Variants in ANKS1B observed in about 807,000 individuals in gnomAD.
The protein encoded by ANKS1B is ankyrin repeat and sterile alpha motif domain-containing protein 1B.
ANKS1B carries 36 observed loss-of-function variants against 148.3 expected under a neutral mutation model. The ratio of observed to expected loss-of-function variants is 0.24; its 90% CI spans 0.19 to 0.32. The LOEUF is 0.32. ANKS1B is among the 10% of genes least tolerant of loss of function. The pLI is 1.00. For synonymous variants in ANKS1B, 542 were observed against 560.8 expected, an observed-to-expected ratio of 0.97 and a Z score of 0.47; for missense variants, 1,157 against 1,542.6, an observed-to-expected ratio of 0.75 and a Z score of 4.19.
intron 17 of ANKS1B, among the ~76,000 whole-genome samples, chr12:98,981,149 T>TA (rs752582377): frequency 6.6e-6 from 1 of 151,274 alleles, no homozygotes; most frequent in Middle Eastern, 3.2e-3. Context: ...CTACTAAAAA[T>TA]AAAAAAAATT....
At chr12:99,952,770 T>C (rs1464474128) in intron 1 of ANKS1B, among the ~76,000 whole-genome samples, 1 of 152,220 alleles carries the variant, frequency 6.6e-6, no homozygotes, top group East Asian at 1.9e-4. Flanking sequence ...TTCAGAAAAT[T>C]AAAGGTAACT....
At chr12:99,337,671 G>A (rs2089184595) in intron 12 of ANKS1B, among the ~76,000 whole-genome samples, 1 of 152,176 alleles carries the variant, frequency 6.6e-6, no homozygotes, top group East Asian at 1.9e-4. Flanking sequence ...TGGAAATTGA[G>A]TAATGTAATT....
intron 1 of ANKS1B, among the ~76,000 whole-genome samples, chr12:99,875,882 T>C (rs11110080): frequency 0.21 from 31,858 of 152,150 alleles, 3,490 homozygotes; most frequent in African/African-American, 0.26. Context: ...GACTTTTTTA[T>C]GTGAAAACAG....
intron 12 of ANKS1B, among the ~76,000 whole-genome samples, chr12:99,336,035 C>T (rs2088791215): frequency 6.6e-6 from 1 of 152,032 alleles, no homozygotes; most frequent in South Asian, 2.1e-4. Context: ...ACTATTATTG[C>T]CTGTCTTTTG....
chr12:99,592,830 A>T (rs919715416), intron 9 of ANKS1B, among the ~76,000 whole-genome samples: 1 of 152,110 alleles, frequency 6.6e-6, no homozygotes, highest in Non-Finnish European at 1.5e-5. Flanking sequence ...GAGACAAAAA[A>T]CACATCAGTC....
chr12:99,596,959 T>C (rs1240770536), intron 9 of ANKS1B, among the ~76,000 whole-genome samples: 2 of 151,954 alleles, frequency 1.3e-5, no homozygotes, highest in African/African-American at 2.4e-5. Context: ...AGGAGTGGAA[T>C]TGCTGAGTCA....
At chr12:98,762,255 G>A (rs1220793830) in intron 25 of ANKS1B, among the ~76,000 whole-genome samples, 3 of 152,212 alleles carry the variant, frequency 2.0e-5, no homozygotes, top group African/African-American at 7.2e-5. Context: ...TATTGCCACT[G>A]AGAAGTGGGT....
chr12:98,956,804 C>G (rs117162794), intron 17 of ANKS1B, among the ~76,000 whole-genome samples: 1 of 152,206 alleles, frequency 6.6e-6, no homozygotes, highest in East Asian at 1.9e-4. Context: ...GGTTCCTGCC[C>G]TCATGAAAGT....
chr12:99,128,704 A>C (rs998283678), intron 15 of ANKS1B, among the ~76,000 whole-genome samples: 5 of 152,200 alleles, frequency 3.3e-5, no homozygotes, highest in Admixed American at 2.6e-4. Flanking sequence ...GTATAGCATT[A>C]TGAGAAATTT....
intron 2 of ANKS1B, among the ~76,000 whole-genome samples, chr12:99,812,597 T>C (rs1000022369): frequency 6.9e-6 from 1 of 145,226 alleles, no homozygotes; most frequent in African/African-American, 2.6e-5. Context: ...AGAGCACACA[T>C]TGACTAACCA....
intron 12 of ANKS1B, among the ~76,000 whole-genome samples, chr12:99,271,830 G>C (rs2077085435): frequency 6.6e-6 from 1 of 151,674 alleles, no homozygotes; most frequent in Non-Finnish European, 1.5e-5. Context: ...AGGAAGGATT[G>C]GGTAATAGCT....
At chr12:99,513,380 C>G (rs552319272) in intron 9 of ANKS1B, among the ~76,000 whole-genome samples, 12 of 151,976 alleles carry the variant, frequency 7.9e-5, no homozygotes, top group Admixed American at 2.0e-4. Flanking sequence ...AAACTCACAA[C>G]ATTTGTGAAG....
At chr12:99,895,433 G>GTA (rs2093347532) in intron 1 of ANKS1B, among the ~76,000 whole-genome samples, 2 of 150,720 alleles carry the variant, frequency 1.3e-5, no homozygotes, top group Admixed American at 6.6e-5. Context: ...ACCCGTGTGT[G>GTA]TGTGTGTGTC....
At chr12:99,192,976 C>T (rs1412134831) in intron 14 of ANKS1B, among the ~76,000 whole-genome samples, 7 of 152,118 alleles carry the variant, frequency 4.6e-5, no homozygotes, top group Non-Finnish European at 1.0e-4. Context: ...ACCAAAGTTA[C>T]TGAAGAAGAG....
chr12:99,032,667 C>G (rs2099952989), intron 17 of ANKS1B, among the ~76,000 whole-genome samples: 1 of 152,214 alleles, frequency 6.6e-6, no homozygotes, highest in East Asian at 1.9e-4. Flanking sequence ...GTGGACATAT[C>G]TTTTGGAATG....
At chr12:99,856,380 G>A (rs2089077938) in intron 1 of ANKS1B, among the ~76,000 whole-genome samples, 1 of 151,880 alleles carries the variant, frequency 6.6e-6, no homozygotes, top group Non-Finnish European at 1.5e-5. Flanking sequence ...AAACTCTGAA[G>A]AGACCAATAA....
chr12:98,749,387 G>C (rs1270892053), intron 26 of ANKS1B, among the ~76,000 whole-genome samples: 1 of 152,084 alleles, frequency 6.6e-6, no homozygotes. Context: ...GATTACAGGC[G>C]TGAGCCACCG....
chr12:99,876,169 A>G (rs967729683), intron 1 of ANKS1B, among the ~76,000 whole-genome samples: 1 of 152,222 alleles, frequency 6.6e-6, no homozygotes, highest in Non-Finnish European at 1.5e-5. Context: ...GATATTTACT[A>G]TGATTAGGCA....
At chr12:99,564,254 A>G (rs979132472) in intron 9 of ANKS1B, among the ~76,000 whole-genome samples, 19 of 152,156 alleles carry the variant, frequency 1.2e-4, no homozygotes, top group African/African-American at 4.6e-4. Context: ...AAAACTGGAT[A>G]CACTGAAATT....
Sources: gnomAD v4.1 joint callset for allele counts (sites outside exome capture counted in the v4.1 genomes callset) on GRCh38, gnomAD v4.1.1 for gene constraint, MANE v1.5 for transcripts, NCBI Gene and HGNC (gene_info 2026-07-23, HGNC 2026-07-21) for gene names.